The following ZFP69 variants were observed in gnomAD, a reference collection of about 807,000 sequenced individuals.
ZFP69 encodes the protein ZFP69 zinc finger protein, also known as zinc finger protein 69 homolog.
ZFP69 carries 35 observed loss-of-function variants against 48.9 expected under a neutral mutation model. The observed-to-expected ratio is 0.72, with a 90% CI of 0.55 to 0.95. ZFP69 has a LOEUF of 0.95. ZFP69 is among the 40% of genes least tolerant of loss of function. The probability of loss-of-function intolerance (pLI) is 0.00; values close to 1 mark genes in which losing one functional copy is unlikely to be tolerated. For synonymous variants in ZFP69, 193 were observed against 216.8 expected, an observed-to-expected ratio of 0.89 and a Z score of 0.96; for missense variants, 557 against 638.4, an observed-to-expected ratio of 0.87 and a Z score of 1.37.
At chr1:40,481,709 T>C in intron 2 of ZFP69, 54 bp from the exon 3 acceptor site, 2 of 1,456,304 alleles carry the variant, frequency 1.4e-6, no homozygotes, top group Non-Finnish European at 1.9e-6. Flanking sequence ...AGGCAATTTC[T>C]TTATTTGGGA....
At chr1:40,489,683 A>G (rs1047545021) in intron 5 of ZFP69, 59 bp downstream of exon 5, 16 of 1,265,760 alleles carry the variant, frequency 1.3e-5, no homozygotes, top group Non-Finnish European at 1.7e-5. Context: ...CTGAAACTTC[A>G]TAATTTATAA....
At chr1:40,493,596 T>C (rs1167328738) in intron 5 of ZFP69, 1 of 151,688 alleles carries the variant, frequency 6.6e-6, no homozygotes, top group East Asian at 1.9e-4. Flanking sequence ...CATGCTCGGA[T>C]ACTGAATTAG....
chr1:40,483,360 G>GC (rs1645462279), intron 3 of ZFP69, among the ~76,000 whole-genome samples: 1 of 150,664 alleles, frequency 6.6e-6, no homozygotes, highest in African/African-American at 2.4e-5. Flanking sequence ...CTCCCAAGTA[G>GC]CTAGGACTAC....
At chr1:40,488,871 T>A (rs926813942) in intron 3 of ZFP69, among the ~76,000 whole-genome samples, 1 of 151,880 alleles carries the variant, frequency 6.6e-6, no homozygotes, top group African/African-American at 2.4e-5. Flanking sequence ...TATATTACAT[T>A]ATTTATAGTA....
chr1:40,486,837 A>T (rs1645505378), intron 3 of ZFP69, among the ~76,000 whole-genome samples: 1 of 151,812 alleles, frequency 6.6e-6, no homozygotes, highest in Non-Finnish European at 1.5e-5. Context: ...CACTGATCTT[A>T]TCTCATCATG....
At chr1:40,484,080 A>T (rs183911672) in intron 3 of ZFP69, among the ~76,000 whole-genome samples, 256 of 152,306 alleles carry the variant, frequency 1.7e-3, no homozygotes, top group African/African-American at 5.8e-3. Context: ...CGTCTCAAAA[A>T]AAATAAATAA....
chr1:40,481,092 C>A (rs1645438931), intron 2 of ZFP69, among the ~76,000 whole-genome samples: 1 of 152,190 alleles, frequency 6.6e-6, no homozygotes, highest in Admixed American at 6.5e-5. Context: ...CAGGCATGAG[C>A]CACTGCGCCC....
intron 3 of ZFP69, among the ~76,000 whole-genome samples, chr1:40,488,536 C>A (rs918748881): frequency 6.6e-6 from 1 of 152,204 alleles, no homozygotes; most frequent in African/African-American, 2.4e-5. Context: ...CCACCCTGTT[C>A]CTCATCTCCA....
chr1:40,489,317 G>C, intron 4 of ZFP69, 103 bp downstream of exon 4: 1 of 1,451,176 alleles, frequency 6.9e-7, no homozygotes, highest in Non-Finnish European at 9.4e-7. Flanking sequence ...TTTGGGTTCT[G>C]TATTAAAGAT....
chr1:40,484,464 G>C (rs959028447), intron 3 of ZFP69, among the ~76,000 whole-genome samples: 1 of 152,176 alleles, frequency 6.6e-6, no homozygotes, highest in Non-Finnish European at 1.5e-5. Flanking sequence ...CTCCGAAAGT[G>C]CTGGGATTAC....
chr1:40,495,771 A>G lies in ZFP69; in HGVS notation c.1293A>G (p.Arg431=), dbSNP rs1160271193. Residue 431 remains arginine, a synonymous_variant, in exon 6 of 6, where the codon AGA becomes AGG. Transcript: ENST00000372706. ...GAGCGTATCTAACACATCACCAGAG[A>G]ATCCATACTGGGGAGAGACCCTACA... is the stretch of plus-strand genomic sequence containing the variant. ...SHRAYLTHHQ[R]IHTGERPYKC... is the part of the protein sequence containing the mutation. The G allele has an allele frequency of 1.2e-6, 2 of 1,614,242 alleles. No individual in the cohort carries two copies. The highest frequency in any genetic ancestry group is 1.7e-6 in the Non-Finnish European group (2 of 1,180,036).
intron 5 of ZFP69, among the ~76,000 whole-genome samples, chr1:40,491,566 T>C (rs1557553517): frequency 6.6e-6 from 1 of 152,204 alleles, no homozygotes; most frequent in Non-Finnish European, 1.5e-5. Context: ...CACTGGGTTA[T>C]GGTATCTTGT....
chr1:40,480,242 G>A (rs1372893883), intron 2 of ZFP69, among the ~76,000 whole-genome samples: 1 of 151,514 alleles, frequency 6.6e-6, no homozygotes, highest in Non-Finnish European at 1.5e-5. Flanking sequence ...GAACACAAGC[G>A]ACGGAAAACT....
rs1258845484 is a variant in ZFP69, at chr1:40,496,304, C to T, written c.*245C>T. On this transcript the variant is annotated 3_prime_UTR_variant, in exon 6 of 6. Transcript: ENST00000372706. Reference sequence around the variant, plus strand: ...ATGAAAAATTCATAACAGTTTTTTTCTGATTTCATGGTGGATTAATAAATT... The same window carrying T: ...ATGAAAAATTCATAACAGTTTTTTTTTGATTTCATGGTGGATTAATAAATT... 13 of 345,334 alleles carry T rather than the reference C, an allele frequency of 3.8e-5. No individual in the cohort carries two copies. Among genetic ancestry groups the T allele is most frequent in the Non-Finnish European group, 5.2e-5 (10 of 192,112 alleles). The allele number at this position is 345,334 out of a possible 1,614,324, so 21.4% of individuals were successfully genotyped here. A position where few individuals can be genotyped will look rare whatever the true frequency, so the allele number is the denominator to read the frequency against.
chr1:40,484,962 G>T (rs1032081247), intron 3 of ZFP69, among the ~76,000 whole-genome samples: 8 of 129,574 alleles, frequency 6.2e-5, no homozygotes, highest in African/African-American at 2.4e-4. Flanking sequence ...GCATGATCTC[G>T]GCTCACTGCA....
chr1:40,484,335 G>A (rs1645473691), intron 3 of ZFP69, among the ~76,000 whole-genome samples: 1 of 151,566 alleles, frequency 6.6e-6, no homozygotes, highest in Non-Finnish European at 1.5e-5. Flanking sequence ...GAGTAGCTGA[G>A]ATTACAGGTG....
At chr1:40,483,796 G>GC (rs1366894162) in intron 3 of ZFP69, among the ~76,000 whole-genome samples, 6 of 152,154 alleles carry the variant, frequency 3.9e-5, no homozygotes, top group Non-Finnish European at 8.8e-5. Context: ...AGCTTAAGTG[G>GC]CCGGGCATGG....
chr1:40,482,929 C>A (rs928927051), intron 3 of ZFP69, among the ~76,000 whole-genome samples: 2 of 152,112 alleles, frequency 1.3e-5, no homozygotes, highest in African/African-American at 4.8e-5. Context: ...AACCAGTAGA[C>A]AAAAACTCAT....
intron 3 of ZFP69, among the ~76,000 whole-genome samples, chr1:40,488,363 TTA>T (rs1245049174): frequency 6.6e-6 from 1 of 152,218 alleles, no homozygotes; most frequent in African/African-American, 2.4e-5. Flanking sequence ...GCTTTTCTTT[TTA>T]TCTTTTTGGC....
Sources: allele counts gnomAD v4.1 joint callset (sites outside exome capture counted in the v4.1 genomes callset), GRCh38; gene constraint gnomAD v4.1.1; transcripts MANE v1.5; gene names NCBI Gene and HGNC (gene_info 2026-07-23, HGNC 2026-07-21).